The following ANKS1B variants were observed in gnomAD, a reference collection of about 807,000 sequenced individuals.
ANKS1B encodes the protein ankyrin repeat and sterile alpha motif domain containing 1B.
In ANKS1B, 36 loss-of-function variants were observed where a neutral mutation model predicts 148.3. That is an observed-to-expected ratio of 0.24 (90% CI 0.19 to 0.32). The LOEUF (loss-of-function observed/expected upper bound fraction) is 0.32. ANKS1B is among the 10% of genes least tolerant of loss of function. The pLI, the probability that ANKS1B is intolerant of heterozygous loss-of-function variation, is 1.00. For synonymous variants in ANKS1B, 542 were observed against 560.8 expected, an observed-to-expected ratio of 0.97 and a Z score of 0.47; for missense variants, 1,157 against 1,542.6, an observed-to-expected ratio of 0.75 and a Z score of 4.19.
intron 17 of ANKS1B, among the ~76,000 whole-genome samples, chr12:98,935,884 C>A (rs2099818169): frequency 6.6e-6 from 1 of 152,140 alleles, no homozygotes; most frequent in Admixed American, 6.5e-5. Flanking sequence ...TACTAACAAA[C>A]AAAACCCCAG....
chr12:99,157,237 C>A (rs548512734), intron 14 of ANKS1B, among the ~76,000 whole-genome samples: 31 of 152,296 alleles, frequency 2.0e-4, no homozygotes, highest in African/African-American at 7.0e-4. Flanking sequence ...AAAGCTGTTA[C>A]AAGGTGGAAG....
intron 12 of ANKS1B, among the ~76,000 whole-genome samples, chr12:99,344,395 C>T (rs1352664063): frequency 6.6e-6 from 1 of 151,944 alleles, no homozygotes; most frequent in Admixed American, 6.6e-5. Context: ...TAATTGTTTT[C>T]TGTCTCTTAA....
At chr12:99,187,885 G>T (rs1482371436) in intron 14 of ANKS1B, among the ~76,000 whole-genome samples, 4 of 152,096 alleles carry the variant, frequency 2.6e-5, no homozygotes, top group African/African-American at 9.7e-5. Context: ...CCAATTAAAA[G>T]ATACAGACTG....
At chr12:98,848,012 A>G (rs956058963) in intron 17 of ANKS1B, among the ~76,000 whole-genome samples, 9 of 152,240 alleles carry the variant, frequency 5.9e-5, no homozygotes, top group Admixed American at 2.0e-4. Context: ...TTGTTGATCA[A>G]AATTATGAGT....
intron 1 of ANKS1B, among the ~76,000 whole-genome samples, chr12:99,836,267 T>C (rs1027747935): frequency 6.6e-6 from 1 of 152,076 alleles, no homozygotes; most frequent in Non-Finnish European, 1.5e-5. Context: ...AACGTTGGCT[T>C]TGTAGTAAAT....
intron 12 of ANKS1B, among the ~76,000 whole-genome samples, chr12:99,336,633 C>G (rs1409247279): frequency 1.3e-5 from 2 of 151,964 alleles, no homozygotes; most frequent in Non-Finnish European, 2.9e-5. Context: ...TGTGTTTTCC[C>G]AAATCTACGT....
At chr12:99,465,501 T>C (rs539638757) in intron 10 of ANKS1B, among the ~76,000 whole-genome samples, 33 of 151,520 alleles carry the variant, frequency 2.2e-4, no homozygotes, top group African/African-American at 5.6e-4. Flanking sequence ...GACTGGCAAA[T>C]TGGATAAAGA....
chr12:99,407,561 G>C (rs2094561826), intron 11 of ANKS1B, among the ~76,000 whole-genome samples: 2 of 145,516 alleles, frequency 1.4e-5, no homozygotes, highest in African/African-American at 5.2e-5. Context: ...AGTTGAAAAG[G>C]AAGAATTTGA....
chr12:98,750,375 A>G (rs1486791985), intron 26 of ANKS1B, among the ~76,000 whole-genome samples: 1 of 152,322 alleles, frequency 6.6e-6, no homozygotes, highest in East Asian at 1.9e-4. Context: ...TGGAGGGGTC[A>G]ATCCTGTGGA....
intron 12 of ANKS1B, among the ~76,000 whole-genome samples, chr12:99,316,586 T>C (rs1465077831): frequency 6.6e-6 from 1 of 152,144 alleles, no homozygotes; most frequent in African/African-American, 2.4e-5. Context: ...GTCAGATGAG[T>C]AGGTTGTAAA....
At chr12:99,818,345 G>A (rs7487841) in intron 2 of ANKS1B, among the ~76,000 whole-genome samples, 2 of 151,530 alleles carry the variant, frequency 1.3e-5, no homozygotes, top group Non-Finnish European at 3.0e-5. Flanking sequence ...TTGGTTCCAC[G>A]ATTTTGCAGC....
At chr12:99,147,446 A>G (rs1010352707) in intron 15 of ANKS1B, among the ~76,000 whole-genome samples, 4 of 152,148 alleles carry the variant, frequency 2.6e-5, no homozygotes, top group Non-Finnish European at 5.9e-5. Context: ...CCTAAATATG[A>G]AAACCATATT....
At chr12:99,944,379 T>C (rs1236565811) in intron 1 of ANKS1B, among the ~76,000 whole-genome samples, 2 of 152,180 alleles carry the variant, frequency 1.3e-5, no homozygotes, top group Non-Finnish European at 2.9e-5. Context: ...CTGGAAGGCC[T>C]CCTTCCCAGT....
intron 9 of ANKS1B, among the ~76,000 whole-genome samples, chr12:99,613,528 A>G (rs2097919634): frequency 6.6e-6 from 1 of 152,136 alleles, no homozygotes; most frequent in African/African-American, 2.4e-5. Context: ...GCCATAAAAA[A>G]AGAATGAGAT....
intron 1 of ANKS1B, among the ~76,000 whole-genome samples, chr12:99,887,938 T>C (rs1354386471): frequency 1.3e-5 from 2 of 152,170 alleles, no homozygotes; most frequent in Non-Finnish European, 2.9e-5. Flanking sequence ...AAAGTAGGTA[T>C]GACACAAGTA....
In ANKS1B at chr12:99,188,661, C is replaced by T. The variant is rs1460799463; in HGVS notation, c.2420-34266G>A. Among the ~76,000 whole-genome samples, 3 of 152,298 alleles carry T rather than the reference C, an allele frequency of 2.0e-5. No individual in the cohort carries two copies. In the East Asian group the frequency reaches 5.8e-4, roughly 29 times the overall value. ...TTTGAAACCATTGAGAACAAAGACA[C>T]AATGTACCAGAATCTCTGGGACATA... is the stretch of plus-strand genomic sequence containing the variant. On this transcript the variant is annotated intron_variant, in intron 14 of 26. Transcript: ENST00000683438.
rs191745801 is a variant in ANKS1B, at chr12:99,799,695, G to A, written c.669+6709C>T. On this transcript the variant is annotated intron_variant, in intron 4 of 26. Coordinates refer to ENST00000683438, the MANE Select transcript of ANKS1B (RefSeq NM_001352186.2). ...AAGTAAAGGAAGGCCTCACTATTAA[G>A]GTGACATTGGAGAAGACACCTGAGG... Among the ~76,000 whole-genome samples the A allele has an allele frequency of 4.2e-3, 642 of 152,138 alleles. 4 individuals are homozygous for A. The highest frequency in any genetic ancestry group is 0.014 in the Middle Eastern group (4 of 294).
At chr12:98,788,431 C>T (rs1471045062) in intron 22 of ANKS1B, among the ~76,000 whole-genome samples, 1 of 152,116 alleles carries the variant, frequency 6.6e-6, no homozygotes, top group Non-Finnish European at 1.5e-5. Flanking sequence ...CTCTAGACAT[C>T]TTTAAAAATA....
intron 12 of ANKS1B, among the ~76,000 whole-genome samples, chr12:99,363,869 A>G (rs549867508): frequency 1.2e-4 from 18 of 152,192 alleles, no homozygotes; most frequent in Non-Finnish European, 2.4e-4. Context: ...AACGGGAGAT[A>G]TATTCATTTG....
Sources: gnomAD v4.1 joint callset for allele counts (sites outside exome capture counted in the v4.1 genomes callset) on GRCh38, gnomAD v4.1.1 for gene constraint, MANE v1.5 for transcripts, NCBI Gene and HGNC (gene_info 2026-07-23, HGNC 2026-07-21) for gene names.